Variants in PACS1 observed in about 807,000 individuals in gnomAD.
PACS1 encodes the protein phosphofurin acidic cluster sorting protein 1, also known as PACS-1.
In PACS1, 24 loss-of-function variants were observed where a neutral mutation model predicts 115.0. The observed-to-expected ratio is 0.21, with a 90% CI of 0.15 to 0.29. The LOEUF is 0.29. Among genes scored for constraint, PACS1 ranks in the 10% least tolerant of loss-of-function variants. The pLI is 1.00. For missense variants in PACS1, 838 were observed against 1,251.2 expected, an observed-to-expected ratio of 0.67 and a Z score of 4.98; for synonymous variants, 453 against 504.5, an observed-to-expected ratio of 0.90 and a Z score of 1.37.
At chr11:66,086,647 A>G (rs1018209687) in intron 1 of PACS1, among the ~76,000 whole-genome samples, 7 of 152,034 alleles carry the variant, frequency 4.6e-5, no homozygotes, top group South Asian at 2.1e-4. Context: ...ACAGGGTCTC[A>G]TTCTGTCCGC....
At position 66,233,726 on chromosome 11, in the gene PACS1, C is replaced by G; in HGVS notation, c.1839-59C>G. On this transcript the variant is annotated intron_variant, in intron 15 of 23. Transcript: ENST00000320580. This position sits in a 1 kb window ranked among gnomAD's most constrained non-coding sequence, Gnocchi z 4.5. ...ATCACAGAAAGTCAGCTCTGGGCCT[C>G]CCCCGGGCAGGATCCTGGCACCCCT... 6.6e-7 allele frequency: 1 copy of G among 1,525,178 alleles called. No individual in the cohort carries two copies. Among genetic ancestry groups the G allele is most frequent in the Non-Finnish European group, 8.8e-7 (1 of 1,130,810 alleles). 94.5% of individuals were successfully genotyped at this position (1,525,178 alleles called of 1,614,324 possible).
intron 1 of PACS1, among the ~76,000 whole-genome samples, chr11:66,156,964 C>A (rs999828310): frequency 5.9e-5 from 9 of 152,024 alleles, no homozygotes; most frequent in Non-Finnish European, 1.3e-4. Context: ...GAACCTCTTT[C>A]TTGTTCAGGT....
At chr11:66,168,286 A>G (rs1859653333) in intron 1 of PACS1, among the ~76,000 whole-genome samples, 2 of 150,546 alleles carry the variant, frequency 1.3e-5, no homozygotes, top group Non-Finnish European at 1.5e-5. Flanking sequence ...TTTTTATATC[A>G]ATTTGGAGGA....
chr11:66,136,249 G>A (rs1365078183), intron 1 of PACS1, among the ~76,000 whole-genome samples: 2 of 147,462 alleles, frequency 1.4e-5, no homozygotes, highest in African/African-American at 5.1e-5. Context: ...AAACAGGACT[G>A]CCCAATCCCG....
At chr11:66,204,540 T>C (rs1381830644) in intron 2 of PACS1, among the ~76,000 whole-genome samples, 1 of 152,176 alleles carries the variant, frequency 6.6e-6, no homozygotes, top group Non-Finnish European at 1.5e-5. Flanking sequence ...AGCCAAGATT[T>C]GGAAGCACCT....
intron 1 of PACS1, among the ~76,000 whole-genome samples, chr11:66,147,200 A>T (rs1031693397): frequency 6.6e-6 from 1 of 152,222 alleles, no homozygotes; most frequent in Non-Finnish European, 1.5e-5. Flanking sequence ...CAATGGAATG[A>T]CATATTCAAA....
intron 2 of PACS1, among the ~76,000 whole-genome samples, chr11:66,205,558 G>GT (rs1854915719): frequency 6.6e-6 from 1 of 151,120 alleles, no homozygotes; most frequent in African/African-American, 2.4e-5. Context: ...AAAATTATTA[G>GT]TTAAAAATTG....
chr11:66,202,082 G>A (rs575793409), intron 2 of PACS1, among the ~76,000 whole-genome samples: 46 of 152,270 alleles, frequency 3.0e-4, no homozygotes, highest in African/African-American at 1.1e-3. Context: ...AAATTCAAAG[G>A]ATCATTAGTG....
At chr11:66,162,143 T>TTTTTTG (rs1859504049) in intron 1 of PACS1, among the ~76,000 whole-genome samples, 2 of 104,836 alleles carry the variant, frequency 1.9e-5, no homozygotes, top group African/African-American at 7.4e-5. Context: ...TTTTTTTTTT[T>TTTTTTG]GAGACAGTGT....
chr11:66,074,852 C>T (rs1008554199), intron 1 of PACS1, among the ~76,000 whole-genome samples: 4 of 151,822 alleles, frequency 2.6e-5, no homozygotes, highest in Admixed American at 6.6e-5. Flanking sequence ...AAGCACTATA[C>T]GAGCCAAGAT....
Position 66,235,770 on chromosome 11 carries a change from G to A in PACS1, c.2208-128G>A, listed in dbSNP as rs1393148414. ...GACCTTCCCCATGCCACCCCAGGAT[G>A]TGATGGGCAGAGGCAGCCCAGCATC... On this transcript the variant is annotated intron_variant, in intron 18 of 23. Coordinates refer to ENST00000320580, the MANE Select transcript of PACS1 (RefSeq NM_018026.4). This position sits in a 1 kb window ranked among gnomAD's most constrained non-coding sequence, Gnocchi z 5.6. The A allele has an allele frequency of 6.0e-6, 5 of 829,402 alleles. No individual in the cohort carries two copies. In the African/African-American group the frequency reaches 6.7e-5, roughly 11 times the overall value. 51.4% of individuals were successfully genotyped at this position (829,402 alleles called of 1,614,324 possible). A position where few individuals can be genotyped will look rare whatever the true frequency, so the allele number is the denominator to read the frequency against.
intron 1 of PACS1, among the ~76,000 whole-genome samples, chr11:66,174,463 A>G (rs1049599874): frequency 7.9e-5 from 12 of 152,238 alleles, no homozygotes; most frequent in Non-Finnish European, 1.8e-4. Context: ...CAAAACATTC[A>G]AAGACTTGTA....
chr11:66,136,822 T>G (rs1026468295), intron 1 of PACS1, among the ~76,000 whole-genome samples: 2 of 152,106 alleles, frequency 1.3e-5, no homozygotes, highest in Admixed American at 1.3e-4. Flanking sequence ...AGTCCTGATT[T>G]AACCATTTGT....
At chr11:66,171,439 T>G (rs1195437124) in intron 1 of PACS1, among the ~76,000 whole-genome samples, 3 of 150,352 alleles carry the variant, frequency 2.0e-5, no homozygotes, top group African/African-American at 7.6e-5. Flanking sequence ...TCCATAGGTG[T>G]TTTTTTCTGC....
chr11:66,098,975 G>A (rs1857847427), intron 1 of PACS1, among the ~76,000 whole-genome samples: 1 of 152,102 alleles, frequency 6.6e-6, no homozygotes, highest in Admixed American at 6.6e-5. Context: ...TCATGTTGGT[G>A]TCTTCCAGGT....
At chr11:66,213,024 T>A (rs985348550) in intron 4 of PACS1, among the ~76,000 whole-genome samples, 2 of 152,102 alleles carry the variant, frequency 1.3e-5, no homozygotes, top group African/African-American at 2.4e-5. Context: ...TAATTTTTTT[T>A]ATATTTTTAG....
Position 66,233,860 on chromosome 11 carries a change from C to T in PACS1, c.1914C>T (p.Ile638=). 6.2e-7 allele frequency: 1 copy of T among 1,609,630 alleles called. No homozygotes were observed. Among genetic ancestry groups the T allele is most frequent in the Non-Finnish European group, 8.5e-7 (1 of 1,177,594 alleles). ...AVGGQSYLSS[I]LRFFVKSLAN... is the part of the protein sequence containing the mutation. ...GAGGCCAGAGCTACCTGAGCTCCAT[C>T]CTCAGGTTCTTTGTCAAGTCCCTGG... Residue 638 remains isoleucine, a synonymous_variant, in exon 16 of 24, where the codon ATC becomes ATT. Coordinates refer to ENST00000320580, the MANE Select transcript of PACS1 (RefSeq NM_018026.4). This position sits in a 1 kb window ranked among gnomAD's most constrained non-coding sequence, Gnocchi z 4.5.
intron 1 of PACS1, among the ~76,000 whole-genome samples, chr11:66,089,605 C>T (rs1465630670): frequency 2.6e-5 from 4 of 152,140 alleles, no homozygotes; most frequent in Non-Finnish European, 5.9e-5. Context: ...TCAATCTTCT[C>T]CTCGAAATAG....
At chr11:66,121,085 G>C in intron 1 of PACS1, 1 of 456,160 alleles carries the variant, frequency 2.2e-6, no homozygotes, top group South Asian at 1.5e-5. Context: ...TGTCGGCACT[G>C]TTTTTCTAAT....
Sources: allele counts gnomAD v4.1 joint callset (sites outside exome capture counted in the v4.1 genomes callset), GRCh38; gene constraint gnomAD v4.1.1; non-coding constraint Gnocchi (gnomAD v3.1); transcripts MANE v1.5; gene names NCBI Gene and HGNC (gene_info 2026-07-23, HGNC 2026-07-21).